The following SLC4A4 variants were observed in gnomAD, a reference collection of about 807,000 sequenced individuals.
SLC4A4 encodes solute carrier family 4 member 4.
In SLC4A4, 27 loss-of-function variants were observed where a neutral mutation model predicts 111.5. The ratio of observed to expected loss-of-function variants is 0.24; its 90% CI spans 0.18 to 0.33. The LOEUF is 0.33. Among genes scored for constraint, SLC4A4 ranks in the 10% least tolerant of loss-of-function variants. SLC4A4 has a pLI of 1.00. For synonymous variants in SLC4A4, 443 were observed against 463.4 expected, an observed-to-expected ratio of 0.96 and a Z score of 0.57; for missense variants, 909 against 1,315.5, an observed-to-expected ratio of 0.69 and a Z score of 4.78.
chr4:71,276,748 T>C (rs1356699871), intron 3 of SLC4A4, among the ~76,000 whole-genome samples: 1 of 152,156 alleles, frequency 6.6e-6, no homozygotes, highest in African/African-American at 2.4e-5. Context: ...GGTTCCAGGC[T>C]TTTGAAATAA....
chr4:71,492,758 CCTT>C (rs1271311292), intron 15 of SLC4A4, among the ~76,000 whole-genome samples: 1 of 151,920 alleles, frequency 6.6e-6, no homozygotes, highest in African/African-American at 2.4e-5. Flanking sequence ...GTTTTGCTGT[CCTT>C]CTGCTCTTAC....
At chr4:71,490,286 A>T (rs1729779998) in intron 15 of SLC4A4, among the ~76,000 whole-genome samples, 1 of 151,842 alleles carries the variant, frequency 6.6e-6, no homozygotes, top group Admixed American at 6.6e-5. Flanking sequence ...TCTTCTGAAG[A>T]AGTGATTGAA....
intron 16 of SLC4A4, among the ~76,000 whole-genome samples, chr4:71,515,213 T>C (rs527372284): frequency 2.0e-5 from 3 of 152,082 alleles, no homozygotes; most frequent in Admixed American, 6.5e-5. Context: ...TTGATTTTCA[T>C]CTTAATTTCT....
intron 1 of SLC4A4, among the ~76,000 whole-genome samples, chr4:71,192,794 C>T (rs1015098497): frequency 2.0e-5 from 3 of 152,144 alleles, no homozygotes; most frequent in Admixed American, 6.6e-5. Context: ...TAACCAGTGC[C>T]AAGACCAAAA....
At chr4:71,180,058 A>G (rs1183563109) in intron 2 of SLC4A4, among the ~76,000 whole-genome samples, 2 of 152,224 alleles carry the variant, frequency 1.3e-5, no homozygotes, top group Non-Finnish European at 2.9e-5. Flanking sequence ...CATATCTACC[A>G]TCATCTGATC....
In SLC4A4 at chr4:71,437,334, T is replaced by G. The variant is rs561496023; in HGVS notation, c.808-3282T>G. 8.4e-6 allele frequency: 3 copies of G among 358,746 alleles called. No individual in the cohort carries two copies. In the East Asian group the frequency reaches 2.1e-4, roughly 25 times the overall value. The allele number at this position is 358,746 out of a possible 1,614,324, so 22.2% of individuals were successfully genotyped here. On this transcript the variant is annotated intron_variant, in intron 7 of 25. Coordinates refer to ENST00000264485, the MANE Select transcript of SLC4A4 (RefSeq NM_001098484.3). The stretch of plus-strand genomic sequence containing the variant: ...CACGGTTTTGGGGAAATACACTCAA[T>G]TTCCAGAATACATAAGTTACAATAT...
chr4:71,203,453 T>G (rs1280923432), intron 1 of SLC4A4, among the ~76,000 whole-genome samples: 1 of 152,218 alleles, frequency 6.6e-6, no homozygotes, highest in Non-Finnish European at 1.5e-5. Flanking sequence ...TCTACTCTTG[T>G]ATATTTAATC....
At position 71,546,250 on chromosome 4, in the gene SLC4A4, A is replaced by G. The variant is rs4694097; in HGVS notation, c.2443-100A>G. The G allele has an allele frequency of 0.99, 1,017,070 of 1,027,202 alleles. 504,129 individuals carry two copies. The highest frequency in any genetic ancestry group is 1 in the East Asian group (41,880 of 41,880). 63.6% of individuals were successfully genotyped at this position (1,027,202 alleles called of 1,614,324 possible). On this transcript the variant is annotated intron_variant, in intron 18 of 25. Transcript: ENST00000264485. ...AGGAGTTTAACTTACCAAGCAAAGC[A>G]AGTCAGTTTCCTTTGGTCATCTTAA...
intron 6 of SLC4A4, among the ~76,000 whole-genome samples, chr4:71,363,066 G>T (rs1730940092): frequency 6.6e-6 from 1 of 152,182 alleles, no homozygotes; most frequent in Non-Finnish European, 1.5e-5. Context: ...AAGGTTATCT[G>T]CCAGGTGGGA....
At chr4:71,318,385 G>C (rs1006497186) in intron 3 of SLC4A4, among the ~76,000 whole-genome samples, 1 of 152,054 alleles carries the variant, frequency 6.6e-6, no homozygotes, top group Non-Finnish European at 1.5e-5. Flanking sequence ...GACATACCAT[G>C]CAGACATTTC....
At chr4:71,334,341 A>G (rs955667663) in intron 3 of SLC4A4, among the ~76,000 whole-genome samples, 3 of 151,798 alleles carry the variant, frequency 2.0e-5, no homozygotes, top group African/African-American at 7.3e-5. Context: ...GGGCCTTAAG[A>G]CTCTGCCTAG....
chr4:71,418,316 C>A (rs752830852), intron 7 of SLC4A4, among the ~76,000 whole-genome samples: 2 of 152,130 alleles, frequency 1.3e-5, no homozygotes, highest in Non-Finnish European at 2.9e-5. Context: ...GCATTGTTTT[C>A]ATTTTGAAGT....
At position 71,278,908 on chromosome 4, in the gene SLC4A4, A is replaced by G. The variant is rs572348676; in HGVS notation, c.253+23509A>G. Among the ~76,000 whole-genome samples, 5 of 152,190 alleles carry G rather than the reference A, an allele frequency of 3.3e-5. No homozygotes were observed. The East Asian group carries it at 9.6e-4, about 29-fold the overall frequency. On this transcript the variant is annotated intron_variant, in intron 3 of 25. Transcript: ENST00000264485. Reference sequence around the variant, plus strand: ...GCTTGAAAATATTTTCTCCCATTCCATAGGTTGCTTTTCATTTTTTTCCAG... The same window carrying G: ...GCTTGAAAATATTTTCTCCCATTCCGTAGGTTGCTTTTCATTTTTTTCCAG...
chr4:71,160,067 T>C (rs1744579235), intron 2 of SLC4A4, among the ~76,000 whole-genome samples: 1 of 149,332 alleles, frequency 6.7e-6, no homozygotes, highest in Non-Finnish European at 1.5e-5. Flanking sequence ...ATTTAATTCA[T>C]GTACTTTTTA....
At chr4:71,223,375 C>T (rs1718864113) in intron 1 of SLC4A4, among the ~76,000 whole-genome samples, 1 of 151,924 alleles carries the variant, frequency 6.6e-6, no homozygotes, top group Admixed American at 6.6e-5. Flanking sequence ...CGGGTTTTCA[C>T]CGTGGTCTCA....
At chr4:71,429,695 T>A (rs1325898886) in intron 7 of SLC4A4, among the ~76,000 whole-genome samples, 1 of 152,090 alleles carries the variant, frequency 6.6e-6, no homozygotes, top group Non-Finnish European at 1.5e-5. Context: ...CTAAAGGAAT[T>A]TTTGTTTTTC....
intron 15 of SLC4A4, among the ~76,000 whole-genome samples, chr4:71,487,947 G>A (rs1051865787): frequency 1.3e-5 from 2 of 151,402 alleles, no homozygotes; most frequent in African/African-American, 4.8e-5. Flanking sequence ...CATGTTTGAT[G>A]TTAGGTGTGT....
At chr4:71,458,078 A>T (rs1425451754) in intron 12 of SLC4A4, among the ~76,000 whole-genome samples, 1 of 152,028 alleles carries the variant, frequency 6.6e-6, no homozygotes, top group African/African-American at 2.4e-5. Context: ...ATTCATATGG[A>T]TGGGCCAATT....
At chr4:71,232,570 C>A (rs1398183977) in intron 1 of SLC4A4, among the ~76,000 whole-genome samples, 2 of 152,082 alleles carry the variant, frequency 1.3e-5, no homozygotes, top group Non-Finnish European at 2.9e-5. Context: ...CACCACTGCA[C>A]ATAGCTAATT....
Sources: allele counts gnomAD v4.1 joint callset (sites outside exome capture counted in the v4.1 genomes callset), GRCh38; gene constraint gnomAD v4.1.1; transcripts MANE v1.5; gene names NCBI Gene and HGNC (gene_info 2026-07-23, HGNC 2026-07-21).